SOX5: variants seen among roughly 807,000 people sequenced by gnomAD.
The protein encoded by SOX5 is transcription factor SOX-5.
Under a neutral mutation model 92.0 loss-of-function variants are expected in SOX5, and 9 were observed. That is an observed-to-expected ratio of 0.10 (90% CI 0.06 to 0.17). SOX5 has a LOEUF of 0.17. Ranked by LOEUF, SOX5 falls within the 10% of genes least tolerant of loss-of-function variation. The pLI is 1.00. For synonymous variants in SOX5, 344 were observed against 336.3 expected, an observed-to-expected ratio of 1.02 and a Z score of -0.25; for missense variants, 642 against 944.5, an observed-to-expected ratio of 0.68 and a Z score of 4.20.
intron 2 of SOX5, among the ~76,000 whole-genome samples, chr12:24,317,520 C>T (rs1949808958): frequency 6.6e-6 from 1 of 152,084 alleles, no homozygotes; most frequent in South Asian, 2.1e-4. Context: ...ATAGTCTGGC[C>T]CCTAAGTGTC....
rs143994223 is a variant in SOX5, at chr12:23,538,208, G to C, written c.1772-1539C>G. On this transcript the variant is annotated intron_variant, in intron 13 of 14. Coordinates refer to ENST00000451604, the MANE Select transcript of SOX5 (RefSeq NM_006940.6). The stretch of plus-strand genomic sequence containing the variant: ...AATAGTTCTTCCTTACACATGTAAA[G>C]AGTTCCTCAATATGGGCTGTTACAT... 5.3e-5 allele frequency among the ~76,000 whole-genome samples: 8 copies of C among 152,272 alleles called. No individual in the cohort carries two copies. The East Asian group carries it at 1.5e-3, about 29-fold the overall frequency.
At chr12:24,552,155 T>C (rs1953255022) in intron 1 of SOX5, among the ~76,000 whole-genome samples, 1 of 152,210 alleles carries the variant, frequency 6.6e-6, no homozygotes, top group Admixed American at 6.5e-5. Flanking sequence ...ATGTTTTATA[T>C]ACTCAAATTA....
At chr12:23,832,812 T>TA (rs1347009844) in intron 3 of SOX5, among the ~76,000 whole-genome samples, 1 of 151,802 alleles carries the variant, frequency 6.6e-6, no homozygotes, top group Non-Finnish European at 1.5e-5. Context: ...AAAAAACCCT[T>TA]ACTTTAAATT....
chr12:23,617,314 C>T (rs1278725246), intron 8 of SOX5, among the ~76,000 whole-genome samples: 1 of 152,014 alleles, frequency 6.6e-6, no homozygotes, highest in Non-Finnish European at 1.5e-5. Flanking sequence ...ATGACCCACA[C>T]TTCCTTGAAA....
chr12:23,733,794 G>T (rs1171797487), intron 6 of SOX5, among the ~76,000 whole-genome samples: 1 of 152,136 alleles, frequency 6.6e-6, no homozygotes, highest in Non-Finnish European at 1.5e-5. Context: ...AGAGAATCAT[G>T]AATTTCTCTC....
intron 3 of SOX5, among the ~76,000 whole-genome samples, chr12:23,788,084 T>C (rs1281316787): frequency 6.6e-6 from 1 of 151,260 alleles, no homozygotes; most frequent in Non-Finnish European, 1.5e-5. Context: ...TGTGAAAGTG[T>C]TATTAAAAAG....
At chr12:23,555,441 A>G (rs1272025012) in intron 11 of SOX5, among the ~76,000 whole-genome samples, 1 of 152,054 alleles carries the variant, frequency 6.6e-6, no homozygotes, top group Non-Finnish European at 1.5e-5. Flanking sequence ...AAACATGCAC[A>G]GCTTTTCTAG....
intron 8 of SOX5, among the ~76,000 whole-genome samples, chr12:23,612,182 T>C (rs1321656243): frequency 1.3e-5 from 2 of 152,006 alleles, no homozygotes; most frequent in Admixed American, 1.3e-4. Flanking sequence ...AGGAGAGGTA[T>C]GCCATAAATG....
intron 7 of SOX5, among the ~76,000 whole-genome samples, chr12:23,653,388 C>A (rs866471897): frequency 7.5e-4 from 114 of 151,998 alleles, no homozygotes; most frequent in African/African-American, 2.7e-3. Context: ...TGACTTGAGA[C>A]CCCTCACACT....
chr12:24,361,437 G>T (rs1216784321), intron 2 of SOX5, among the ~76,000 whole-genome samples: 1 of 152,078 alleles, frequency 6.6e-6, no homozygotes, highest in Non-Finnish European at 1.5e-5. Flanking sequence ...GAAAAAGTGG[G>T]TATAATAATA....
intron 2 of SOX5, among the ~76,000 whole-genome samples, chr12:23,853,907 G>A (rs1258345506): frequency 6.6e-6 from 1 of 152,050 alleles, no homozygotes; most frequent in Admixed American, 6.6e-5. Flanking sequence ...ACAAAAGTTA[G>A]ACTACAAATC....
chr12:24,555,347 G>C (rs193085312), intron 1 of SOX5, among the ~76,000 whole-genome samples: 1 of 152,268 alleles, frequency 6.6e-6, no homozygotes, highest in East Asian at 1.9e-4. Flanking sequence ...CTGGTGTACG[G>C]TTTATACTCT....
At chr12:24,351,856 A>G (rs1954126930) in intron 2 of SOX5, among the ~76,000 whole-genome samples, 1 of 152,252 alleles carries the variant, frequency 6.6e-6, no homozygotes, top group Non-Finnish European at 1.5e-5. Flanking sequence ...GTGGCAATTA[A>G]ATTAACTATC....
At chr12:23,864,952 A>C (rs1210281459) in intron 2 of SOX5, among the ~76,000 whole-genome samples, 2 of 152,226 alleles carry the variant, frequency 1.3e-5, no homozygotes, top group African/African-American at 4.8e-5. Flanking sequence ...AGAATGAAAA[A>C]GTCAGTGCTT....
intron 3 of SOX5, among the ~76,000 whole-genome samples, chr12:23,800,087 T>C (rs2095634034): frequency 6.6e-6 from 1 of 152,088 alleles, no homozygotes; most frequent in Non-Finnish European, 1.5e-5. Context: ...ATGGTTGAGA[T>C]GCTAGTCCAG....
intron 7 of SOX5, among the ~76,000 whole-genome samples, chr12:23,641,466 A>T (rs1254110878): frequency 6.6e-6 from 1 of 152,160 alleles, no homozygotes; most frequent in African/African-American, 2.4e-5. Flanking sequence ...TTATCCAGGG[A>T]TAAATGTTTA....
At chr12:23,834,551 G>A (rs1392794113) in intron 3 of SOX5, among the ~76,000 whole-genome samples, 1 of 151,860 alleles carries the variant, frequency 6.6e-6, no homozygotes. Flanking sequence ...ATTTGTTAAG[G>A]TCTCTCCTTT....
intron 6 of SOX5, among the ~76,000 whole-genome samples, chr12:23,667,279 G>C (rs2083970085): frequency 6.6e-6 from 1 of 151,972 alleles, no homozygotes; most frequent in East Asian, 1.9e-4. Context: ...TTCTTGTTAT[G>C]GTGGTTTTTA....
chr12:24,412,127 T>C (rs1411103948), intron 1 of SOX5, among the ~76,000 whole-genome samples: 2 of 152,288 alleles, frequency 1.3e-5, no homozygotes, highest in East Asian at 3.9e-4. Context: ...ATCCGTATCG[T>C]ATCGATACGA....
Sources: gnomAD v4.1 joint callset for allele counts (sites outside exome capture counted in the v4.1 genomes callset) on GRCh38, gnomAD v4.1.1 for gene constraint, MANE v1.5 for transcripts, NCBI Gene and HGNC (gene_info 2026-07-23, HGNC 2026-07-21) for gene names.